The following NAALADL2 variants were observed in gnomAD, a reference collection of about 807,000 sequenced individuals.
The protein encoded by NAALADL2 is N-acetylated alpha-linked acidic dipeptidase like 2.
NAALADL2 carries 76 observed loss-of-function variants against 87.2 expected under a neutral mutation model. The observed-to-expected ratio is 0.87, with a 90% CI of 0.72 to 1.05. The LOEUF is 1.05. Ranked by LOEUF, NAALADL2 falls within the 50% of genes least tolerant of loss-of-function variation. NAALADL2 has a pLI of 0.00. For synonymous variants in NAALADL2, 354 were observed against 331.0 expected, an observed-to-expected ratio of 1.07 and a Z score of -0.75; for missense variants, 1,089 against 945.8, an observed-to-expected ratio of 1.15 and a Z score of -1.99.
At chr3:175,177,335 C>T (rs780659687) in intron 2 of NAALADL2, among the ~76,000 whole-genome samples, 4 of 152,146 alleles carry the variant, frequency 2.6e-5, no homozygotes, top group South Asian at 2.1e-4. Flanking sequence ...CTATTGCTGT[C>T]GGGCTTTTCA....
At chr3:175,593,976 C>G (rs1721890145) in intron 10 of NAALADL2, among the ~76,000 whole-genome samples, 1 of 97,420 alleles carries the variant, frequency 1.0e-5, no homozygotes, top group Admixed American at 1.4e-4. Context: ...GATCATGTTG[C>G]TATTCTTTTT....
chr3:175,431,127 T>C (rs1343212538), intron 5 of NAALADL2, among the ~76,000 whole-genome samples: 1 of 152,116 alleles, frequency 6.6e-6, no homozygotes, highest in East Asian at 1.9e-4. Context: ...TAATATTTTC[T>C]TCGAAGCAAC....
At chr3:174,746,020 A>T (rs182353134) in intron 3 of NAALADL2, among the ~76,000 whole-genome samples, 1 of 152,332 alleles carries the variant, frequency 6.6e-6, no homozygotes, top group African/African-American at 2.4e-5. Flanking sequence ...AAACTGGCAC[A>T]AGACAAGGAT....
chr3:175,110,184 A>G (rs150115908), intron 2 of NAALADL2, among the ~76,000 whole-genome samples: 137 of 151,946 alleles, frequency 9.0e-4, no homozygotes, highest in African/African-American at 3.2e-3. Flanking sequence ...CTTCAGTCCT[A>G]TTCTAAAAGA....
intron 2 of NAALADL2, among the ~76,000 whole-genome samples, chr3:174,728,824 G>A (rs762921092): frequency 6.6e-6 from 1 of 151,978 alleles, no homozygotes; most frequent in African/African-American, 2.4e-5. Context: ...CCACAGACAT[G>A]AGTTTACATT....
chr3:175,244,369 T>C (rs1439231202), intron 3 of NAALADL2, among the ~76,000 whole-genome samples: 1 of 152,154 alleles, frequency 6.6e-6, no homozygotes, highest in Non-Finnish European at 1.5e-5. Flanking sequence ...TAGATTCACT[T>C]TCTCTGTACC....
At chr3:174,447,220 C>T (rs1331952156) in intron 1 of NAALADL2, among the ~76,000 whole-genome samples, 1 of 152,084 alleles carries the variant, frequency 6.6e-6, no homozygotes, top group African/African-American at 2.4e-5. Flanking sequence ...AGTCATCTAT[C>T]TTCTAAGAAT....
intron 1 of NAALADL2, among the ~76,000 whole-genome samples, chr3:175,005,820 T>G (rs73048977): frequency 0.024 from 3,706 of 152,236 alleles, 142 homozygotes; most frequent in African/African-American, 0.084. Context: ...AAAAGTTGCT[T>G]TTTTGCTTTG....
intron 1 of NAALADL2, among the ~76,000 whole-genome samples, chr3:174,519,454 G>A (rs1212587424): frequency 1.3e-5 from 2 of 150,876 alleles, no homozygotes; most frequent in African/African-American, 4.9e-5. Context: ...TCAGCATCAC[G>A]AATAGCTGGG....
At chr3:174,950,062 C>A (rs79752242) in intron 1 of NAALADL2, among the ~76,000 whole-genome samples, 5,686 of 152,102 alleles carry the variant, frequency 0.037, 349 homozygotes, top group African/African-American at 0.13. Context: ...TATTGGTTTC[C>A]TATTTTTAAA....
intron 1 of NAALADL2, among the ~76,000 whole-genome samples, chr3:174,458,956 C>G (rs560662949): frequency 3.3e-5 from 5 of 152,124 alleles, no homozygotes; most frequent in African/African-American, 7.2e-5. Context: ...AGCAAGCTAG[C>G]CTTCTTCTAG....
chr3:175,249,731 C>T (rs1748666490), intron 3 of NAALADL2, among the ~76,000 whole-genome samples: 2 of 152,118 alleles, frequency 1.3e-5, no homozygotes, highest in African/African-American at 2.4e-5. Context: ...ATTCTAGGGC[C>T]CCTCTATGGA....
intron 1 of NAALADL2, among the ~76,000 whole-genome samples, chr3:175,080,197 C>G (rs1179841974): frequency 6.6e-6 from 1 of 152,172 alleles, no homozygotes; most frequent in Non-Finnish European, 1.5e-5. Context: ...GATCTCCTGA[C>G]CTCGTGATCC....
chr3:175,478,161 T>G (rs1323999572), intron 9 of NAALADL2, among the ~76,000 whole-genome samples: 1 of 151,974 alleles, frequency 6.6e-6, no homozygotes, highest in Non-Finnish European at 1.5e-5. Context: ...TGAGAGAAAT[T>G]CTGTTTTCTT....
At chr3:174,696,596 A>T (rs1240022123) in intron 2 of NAALADL2, among the ~76,000 whole-genome samples, 1 of 47,030 alleles carries the variant, frequency 2.1e-5, no homozygotes, top group Admixed American at 2.6e-4. Context: ...AGTTATCTAA[A>T]AAAAAAAAAA....
intron 7 of NAALADL2, among the ~76,000 whole-genome samples, chr3:175,465,575 G>A (rs531972252): frequency 3.0e-4 from 44 of 148,920 alleles, no homozygotes; most frequent in Non-Finnish European, 4.9e-4. Flanking sequence ...TGAGGTTCAA[G>A]CAATTCCCTG....
rs951739747 is a variant in NAALADL2 at position 175,147,491 on chromosome 3, C to T, written c.545+50200C>T. Among the ~76,000 whole-genome samples the T allele has an allele frequency of 4.6e-5, 7 of 152,156 alleles. No individual in the cohort carries two copies. The South Asian group carries it at 6.2e-4, about 14-fold the overall frequency. On this transcript the variant is annotated intron_variant, in intron 2 of 13. Coordinates refer to ENST00000454872, the MANE Select transcript of NAALADL2 (RefSeq NM_207015.3). ...CACATTTTCTTCATCCAGTCTACCACGGATGGGCACCTAGGTTGATGATAT... is the reference window on the plus strand; with the variant it reads ...CACATTTTCTTCATCCAGTCTACCATGGATGGGCACCTAGGTTGATGATAT...
Position 175,047,318 on chromosome 3 carries a change from A to G in NAALADL2, c.44-49472A>G, listed in dbSNP as rs189842374. Among the ~76,000 whole-genome samples the G allele has an allele frequency of 4.6e-3, 697 of 152,300 alleles. 2 individuals carry two copies. The highest frequency in any genetic ancestry group is 8.0e-3 in the Non-Finnish European group (546 of 68,032). On this transcript the variant is annotated intron_variant, in intron 1 of 13. Coordinates refer to ENST00000454872, the MANE Select transcript of NAALADL2 (RefSeq NM_207015.3). ...TGGCTAAATGAACTTTGCGAAAATGACAAAAAACATGTATTTCCCATAGCA... is the reference window on the plus strand; with the variant it reads ...TGGCTAAATGAACTTTGCGAAAATGGCAAAAAACATGTATTTCCCATAGCA...
At chr3:175,630,972 A>G (rs1353175286) in intron 11 of NAALADL2, among the ~76,000 whole-genome samples, 2 of 151,362 alleles carry the variant, frequency 1.3e-5, no homozygotes, top group Non-Finnish European at 3.0e-5. Flanking sequence ...ACTATTTTTT[A>G]TTTCTCCCAA....
Sources: gnomAD v4.1 joint callset for allele counts (sites outside exome capture counted in the v4.1 genomes callset) on GRCh38, gnomAD v4.1.1 for gene constraint, MANE v1.5 for transcripts, NCBI Gene and HGNC (gene_info 2026-07-23, HGNC 2026-07-21) for gene names.